Variants in GRIN2B observed in about 807,000 individuals in gnomAD.
GRIN2B encodes the protein glutamate receptor ionotropic, NMDA 2B.
Under a neutral mutation model 114.5 loss-of-function variants are expected in GRIN2B, and 5 were observed. That is an observed-to-expected ratio of 0.04 (90% CI 0.02 to 0.09). The LOEUF is 0.09. Among genes scored for constraint, GRIN2B ranks in the 10% least tolerant of loss-of-function variants. The pLI, the probability that GRIN2B is intolerant of heterozygous loss-of-function variation, is 1.00. For missense variants in GRIN2B, 1,108 were observed against 1,943.5 expected (o/e 0.57, Z 8.08); for synonymous variants, 787 against 745.1 (o/e 1.06, Z -0.92).
chr12:13,718,428 A>T (rs10845833), intron 4 of GRIN2B, among the ~76,000 whole-genome samples: 34,708 of 151,792 alleles, frequency 0.23, 5,144 homozygotes, highest in Non-Finnish European at 0.34. Context: ...AGTACCAAGG[A>T]AAAAAAGAGC....
chr12:13,858,030 A>G (rs948320682), intron 3 of GRIN2B, among the ~76,000 whole-genome samples: 1 of 152,132 alleles, frequency 6.6e-6, no homozygotes, highest in Non-Finnish European at 1.5e-5. Flanking sequence ...TTGTTCTGAG[A>G]CACCCACAGA....
intron 3 of GRIN2B, among the ~76,000 whole-genome samples, chr12:13,795,485 G>A (rs575143452): frequency 6.6e-6 from 1 of 152,254 alleles, no homozygotes; most frequent in African/African-American, 2.4e-5. Flanking sequence ...TGTAAGATGG[G>A]CATATTGATA....
At chr12:13,748,556 T>C (rs1233084830) in intron 4 of GRIN2B, among the ~76,000 whole-genome samples, 3 of 152,216 alleles carry the variant, frequency 2.0e-5, no homozygotes, top group African/African-American at 7.2e-5. Flanking sequence ...TTTCAGATCA[T>C]CTGGTACCAA....
chr12:13,866,884 A>G lies in GRIN2B; in HGVS notation c.-18-658T>C, dbSNP rs371709678. Among the ~76,000 whole-genome samples the G allele has an allele frequency of 9.9e-4, 151 of 152,324 alleles. 3 individuals carry two copies. The South Asian group carries it at 0.025, about 26-fold the overall frequency. ...CAATGACCCAGTAGGGAATAAAATA[A>G]GAAAAACATTATTATCACCATTTTT... On this transcript the variant is annotated intron_variant, in intron 2 of 13. Coordinates refer to ENST00000609686, the MANE Select transcript of GRIN2B (RefSeq NM_000834.5).
chr12:13,752,073 AG>A (rs1863492735), intron 4 of GRIN2B, among the ~76,000 whole-genome samples: 1 of 152,204 alleles, frequency 6.6e-6, no homozygotes. Context: ...ACCTGGTTTG[AG>A]TTTCAACCCT....
chr12:13,870,342 A>G (rs1004457074), intron 2 of GRIN2B, among the ~76,000 whole-genome samples: 3 of 152,194 alleles, frequency 2.0e-5, no homozygotes, highest in African/African-American at 7.2e-5. Context: ...GCAACAAAGC[A>G]GCAGGATTAG....
At chr12:13,768,758 G>A (rs886795190) in intron 3 of GRIN2B, among the ~76,000 whole-genome samples, 7 of 152,230 alleles carry the variant, frequency 4.6e-5, no homozygotes, top group East Asian at 3.9e-4. Context: ...GCAGGTGGCC[G>A]GCACGGTGGC....
intron 4 of GRIN2B, chr12:13,683,456 T>C (rs1359840285): frequency 1.3e-5 from 2 of 152,146 alleles, no homozygotes; most frequent in Non-Finnish European, 2.9e-5. Flanking sequence ...ATTTAACCTC[T>C]CTTTCCTTAT....
intron 10 of GRIN2B, among the ~76,000 whole-genome samples, chr12:13,605,551 T>TCTCTCTCTCACACA: frequency 3.9e-4 from 12 of 30,476 alleles, no homozygotes; most frequent in East Asian, 2.2e-3. Context: ...TCTCTCTCTC[T>TCTCTCTCTCACACA]GACACACACA....
intron 2 of GRIN2B, among the ~76,000 whole-genome samples, chr12:13,872,700 A>G (rs1865931668): frequency 6.6e-6 from 1 of 152,208 alleles, no homozygotes; most frequent in Non-Finnish European, 1.5e-5. Flanking sequence ...TGTGTTTAAA[A>G]CAAACAAATA....
chr12:13,962,006 C>T (rs1361259963), intron 2 of GRIN2B, among the ~76,000 whole-genome samples: 2 of 152,002 alleles, frequency 1.3e-5, no homozygotes, highest in Admixed American at 6.6e-5. Flanking sequence ...AATCAGTGCC[C>T]TTATGAATAT....
At chr12:13,639,744 G>A (rs1018241004) in intron 5 of GRIN2B, among the ~76,000 whole-genome samples, 2 of 151,960 alleles carry the variant, frequency 1.3e-5, no homozygotes, top group African/African-American at 4.8e-5. Flanking sequence ...CATTTCACTG[G>A]AGCCTTTATT....
intron 2 of GRIN2B, among the ~76,000 whole-genome samples, chr12:13,884,414 A>C (rs188100733): frequency 6.6e-6 from 1 of 152,288 alleles, no homozygotes; most frequent in East Asian, 1.9e-4. Flanking sequence ...CTTAAATTTC[A>C]ATTTCTAATT....
intron 2 of GRIN2B, among the ~76,000 whole-genome samples, chr12:13,892,930 T>C (rs1348385356): frequency 2.0e-5 from 3 of 152,166 alleles, no homozygotes; most frequent in South Asian, 2.1e-4. Flanking sequence ...TTCTCTTTCA[T>C]GGAACAAGTG....
At chr12:13,719,648 C>T (rs118004368) in intron 4 of GRIN2B, among the ~76,000 whole-genome samples, 1 of 151,978 alleles carries the variant, frequency 6.6e-6, no homozygotes, top group African/African-American at 2.4e-5. Context: ...TTGTGATAAG[C>T]CCAAAATGTA....
intron 2 of GRIN2B, among the ~76,000 whole-genome samples, chr12:13,897,793 T>C (rs1866377098): frequency 1.3e-5 from 2 of 152,006 alleles, no homozygotes; most frequent in Non-Finnish European, 2.9e-5. Context: ...TAATGATAAA[T>C]AGATGATAGA....
chr12:13,774,953 G>A (rs974642074), intron 3 of GRIN2B, among the ~76,000 whole-genome samples: 1 of 152,114 alleles, frequency 6.6e-6, no homozygotes, highest in African/African-American at 2.4e-5. Context: ...TCATGAATCA[G>A]GAAAGTTCCC....
chr12:13,657,532 C>T (rs1295512188), intron 5 of GRIN2B, among the ~76,000 whole-genome samples: 1 of 152,184 alleles, frequency 6.6e-6, no homozygotes, highest in African/African-American at 2.4e-5. Flanking sequence ...TCCCTGACAC[C>T]TGTTGGTGTG....
intron 5 of GRIN2B, among the ~76,000 whole-genome samples, chr12:13,648,075 A>G (rs754394483): frequency 3.3e-5 from 5 of 152,108 alleles, no homozygotes; most frequent in Non-Finnish European, 5.9e-5. Context: ...ACTGTATTAT[A>G]TATGGGCCAC....
Sources: gnomAD v4.1 joint callset for allele counts (sites outside exome capture counted in the v4.1 genomes callset) on GRCh38, gnomAD v4.1.1 for gene constraint, MANE v1.5 for transcripts, NCBI Gene and HGNC (gene_info 2026-07-23, HGNC 2026-07-21) for gene names.